MAGT1: variants seen among roughly 807,000 people sequenced by gnomAD.
MAGT1 encodes the protein dolichyl-diphosphooligosaccharide--protein glycosyltransferase subunit MAGT1.
In MAGT1, 4 loss-of-function variants were observed where a neutral mutation model predicts 28.4. The observed-to-expected ratio is 0.14, with a 90% CI of 0.07 to 0.32. The LOEUF is 0.32. MAGT1 is among the 10% of genes least tolerant of loss of function. The pLI, the probability that MAGT1 is intolerant of heterozygous loss-of-function variation, is 1.00. For synonymous variants in MAGT1, 89 were observed against 89.7 expected, an observed-to-expected ratio of 0.99 and a Z score of 0.04; for missense variants, 193 against 264.5, an observed-to-expected ratio of 0.73 and a Z score of 1.88.
At chrX:77,873,515 T>C (rs1379615059) in intron 2 of MAGT1, among the ~76,000 whole-genome samples, 1 of 112,314 alleles carries the variant, frequency 8.9e-6, no homozygotes, top group Non-Finnish European at 1.9e-5. Context: ...TATCCACCAT[T>C]TTGAATTGTT....
intron 8 of MAGT1, among the ~76,000 whole-genome samples, chrX:77,840,285 A>C (rs2076931316): frequency 9.4e-6 from 1 of 106,478 alleles, no homozygotes; most frequent in African/African-American, 3.4e-5. Context: ...AAAACAAAAA[A>C]ACTAGCCGGG....
intron 8 of MAGT1, among the ~76,000 whole-genome samples, chrX:77,840,168 G>C (rs2076930846): frequency 9.4e-6 from 1 of 106,369 alleles, no homozygotes; most frequent in Non-Finnish European, 1.9e-5. Context: ...AGGAGGCTGA[G>C]GCAAGTGGAT....
intron 2 of MAGT1, 115 bp from the exon 3 acceptor site, chrX:77,871,040 A>G: frequency 1.3e-5 from 7 of 557,763 alleles, no homozygotes. Flanking sequence ...AATGGGAGAA[A>G]TAATAAAAAA....
At position 77,853,884 on chromosome X, in the gene MAGT1, T is replaced by C; in HGVS notation, c.826+17A>G. On this transcript the variant is annotated intron_variant, in intron 7 of 9. Coordinates refer to ENST00000618282, the MANE Select transcript of MAGT1 (RefSeq NM_001367916.1). Reference sequence around the variant, plus strand: ...ACAGACAAAATACAGCAAGAAAGACTTATTGTAAAAGGATACTAAACAGAA... The same window carrying C: ...ACAGACAAAATACAGCAAGAAAGACCTATTGTAAAAGGATACTAAACAGAA... 8.5e-7 allele frequency: 1 copy of C among 1,176,492 alleles called. No homozygotes were observed. The highest frequency in any genetic ancestry group is 1.8e-5 in the South Asian group (1 of 56,228).
intron 3 of MAGT1, among the ~76,000 whole-genome samples, chrX:77,863,886 T>C (rs1557216656): frequency 2.7e-5 from 3 of 110,892 alleles, no homozygotes; most frequent in South Asian, 3.8e-4. Context: ...TAGCCAGGCG[T>C]GGTGGCGCAC....
intron 3 of MAGT1, among the ~76,000 whole-genome samples, chrX:77,861,155 G>A (rs1451227248): frequency 9.2e-6 from 1 of 108,754 alleles, no homozygotes; most frequent in Non-Finnish European, 1.9e-5. Context: ...CTCCAGTCTG[G>A]GCAACAAGAG....
intron 7 of MAGT1, among the ~76,000 whole-genome samples, chrX:77,844,416 T>G (rs1355620878): frequency 8.9e-6 from 1 of 111,750 alleles, no homozygotes; most frequent in African/African-American, 3.3e-5. Context: ...ATTCACTGAT[T>G]TTTTTGAAGG....
At chrX:77,880,105 C>A (rs1469756558) in intron 1 of MAGT1, among the ~76,000 whole-genome samples, 1 of 106,797 alleles carries the variant, frequency 9.4e-6, no homozygotes, top group Non-Finnish European at 1.9e-5. Flanking sequence ...TCCCAAAGTG[C>A]TGGGATTACA....
chrX:77,854,332 CCTG>C (rs1454963144), intron 6 of MAGT1, among the ~76,000 whole-genome samples: 2 of 110,682 alleles, frequency 1.8e-5, no homozygotes, highest in African/African-American at 6.6e-5. Flanking sequence ...CACCACCATG[CCTG>C]CTCAGCTAAT....
intron 6 of MAGT1, 41 bp from the exon 7 acceptor site, chrX:77,854,005 A>G: frequency 3.9e-6 from 4 of 1,031,868 alleles, no homozygotes; most frequent in Non-Finnish European, 4.1e-6. Context: ...TTAAGTATAC[A>G]TTAAATGTTG....
intron 7 of MAGT1, among the ~76,000 whole-genome samples, chrX:77,842,558 G>A (rs1198688094): frequency 8.9e-6 from 1 of 111,776 alleles, no homozygotes; most frequent in Admixed American, 9.6e-5. Flanking sequence ...CGTGCGTGGT[G>A]GCTCACGCCT....
intron 2 of MAGT1, among the ~76,000 whole-genome samples, chrX:77,873,104 C>T (rs1410856313): frequency 2.2e-4 from 25 of 112,181 alleles, no homozygotes; most frequent in Admixed American, 1.9e-3. Context: ...AGTGAACTGA[C>T]GGAATTAGAA....
At chrX:77,839,196 C>T (rs1054427330) in intron 8 of MAGT1, among the ~76,000 whole-genome samples, 12 of 105,316 alleles carry the variant, frequency 1.1e-4, no homozygotes, top group East Asian at 3.1e-4. Flanking sequence ...CCTAGCTACT[C>T]GGGAGACTGA....
chrX:77,839,853 G>A (rs1303065907), intron 8 of MAGT1, among the ~76,000 whole-genome samples: 2 of 109,327 alleles, frequency 1.8e-5, no homozygotes, highest in Non-Finnish European at 3.8e-5. Flanking sequence ...ATGTTCATCA[G>A]GCTTGATGGC....
At chrX:77,892,427 C>T (rs1557219560) in intron 1 of MAGT1, among the ~76,000 whole-genome samples, 1 of 111,522 alleles carries the variant, frequency 9.0e-6, no homozygotes, top group Non-Finnish European at 1.9e-5. Flanking sequence ...TCTTTAGCAG[C>T]CTATATAAAT....
intron 8 of MAGT1, among the ~76,000 whole-genome samples, chrX:77,832,675 C>CA (rs2076901914): frequency 9.2e-6 from 1 of 108,583 alleles, no homozygotes. Flanking sequence ...CTAAAAACTA[C>CA]AAAAAAAATT....
At chrX:77,893,054 A>C (rs2077088091) in intron 1 of MAGT1, among the ~76,000 whole-genome samples, 1 of 112,007 alleles carries the variant, frequency 8.9e-6, no homozygotes, top group Non-Finnish European at 1.9e-5. Context: ...TGGGAGGCCA[A>C]GGTGGGAGGA....
intron 1 of MAGT1, among the ~76,000 whole-genome samples, chrX:77,879,298 G>C (rs961429581): frequency 9.9e-5 from 11 of 111,554 alleles, no homozygotes; most frequent in Admixed American, 7.7e-4. Flanking sequence ...CTCATGATCT[G>C]CTCGCCTCGG....
chrX:77,858,323 T>A (rs2076986306), intron 3 of MAGT1, among the ~76,000 whole-genome samples: 1 of 110,817 alleles, frequency 9.0e-6, no homozygotes, highest in Non-Finnish European at 1.9e-5. Flanking sequence ...CCCAAGGAGC[T>A]GGGATTACAG....
Sources: gnomAD v4.1 joint callset for allele counts (sites outside exome capture counted in the v4.1 genomes callset) on GRCh38, gnomAD v4.1.1 for gene constraint, MANE v1.5 for transcripts, NCBI Gene and HGNC (gene_info 2026-07-23, HGNC 2026-07-21) for gene names.